Variants in RGS7 observed in about 807,000 individuals in gnomAD.
The protein encoded by RGS7 is regulator of G-protein signaling 7.
A neutral mutation model predicts 81.1 loss-of-function variants in RGS7; 27 were observed. The observed-to-expected ratio is 0.33, with a 90% CI of 0.25 to 0.46. RGS7 has a LOEUF of 0.46. Among genes scored for constraint, RGS7 ranks in the 20% least tolerant of loss-of-function variants. The pLI is 1.00. For missense variants in RGS7, 396 were observed against 607.4 expected (o/e 0.65, Z 3.66); for synonymous variants, 208 against 207.7 (o/e 1.00, Z -0.01).
At chr1:241,146,060 C>G (rs976144316) in intron 2 of RGS7, among the ~76,000 whole-genome samples, 3 of 152,116 alleles carry the variant, frequency 2.0e-5, no homozygotes, top group Non-Finnish European at 4.4e-5. Context: ...GTAACCACAG[C>G]TCAGCTCTGT....
intron 3 of RGS7, among the ~76,000 whole-genome samples, chr1:240,987,275 T>C (rs1685803344): frequency 6.6e-6 from 1 of 152,234 alleles, no homozygotes; most frequent in Non-Finnish European, 1.5e-5. Flanking sequence ...TTTTCATAAT[T>C]TTCAGCTAAA....
intron 2 of RGS7, among the ~76,000 whole-genome samples, chr1:241,152,213 G>C (rs2068806862): frequency 6.6e-6 from 1 of 151,070 alleles, no homozygotes. Context: ...CTAAAGACCA[G>C]TGCCACGTAT....
chr1:241,309,240 G>A lies in RGS7; in HGVS notation c.78+46459C>T, dbSNP rs1423150020. On this transcript the variant is annotated intron_variant, in intron 2 of 18. Transcript: ENST00000440928. ...TGTCTCTACTAAAAATACAAAATTAGCCGGGCGTGGTGGCAGGCGCTTGTA... is the reference window on the plus strand; with the variant it reads ...TGTCTCTACTAAAAATACAAAATTAACCGGGCGTGGTGGCAGGCGCTTGTA... Among the ~76,000 whole-genome samples, 4 of 151,808 alleles carry A rather than the reference G, an allele frequency of 2.6e-5. No individual in the cohort carries two copies. The East Asian group carries it at 7.8e-4, about 29-fold the overall frequency.
intron 6 of RGS7, among the ~76,000 whole-genome samples, chr1:240,903,116 G>T (rs1163115112): frequency 6.6e-6 from 1 of 152,184 alleles, no homozygotes; most frequent in African/African-American, 2.4e-5. Context: ...AGACCATGCT[G>T]CACAGAATTA....
At chr1:241,168,183 G>T (rs1424191813) in intron 2 of RGS7, among the ~76,000 whole-genome samples, 3 of 152,138 alleles carry the variant, frequency 2.0e-5, no homozygotes, top group African/African-American at 7.2e-5. Context: ...TGCAAGGAAT[G>T]ATGAGAAAGA....
chr1:240,932,899 T>TTTTC (rs1675786901), intron 5 of RGS7, among the ~76,000 whole-genome samples: 2 of 135,992 alleles, frequency 1.5e-5, no homozygotes, highest in Admixed American at 7.2e-5. Context: ...TTTTTTTTTT[T>TTTTC]TTGAGACAGA....
chr1:241,269,798 T>C (rs760946983), intron 2 of RGS7, among the ~76,000 whole-genome samples: 5 of 152,228 alleles, frequency 3.3e-5, no homozygotes, highest in Non-Finnish European at 5.9e-5. Flanking sequence ...ACCTAATCTA[T>C]GAATTTTCAA....
At chr1:241,071,376 TA>T (rs879703168) in intron 3 of RGS7, among the ~76,000 whole-genome samples, 1 of 151,978 alleles carries the variant, frequency 6.6e-6, no homozygotes, top group Non-Finnish European at 1.5e-5. Context: ...CCTAAAAAAA[TA>T]AAAAAATGTA....
At chr1:240,826,731 G>T (rs376733192) in intron 10 of RGS7, among the ~76,000 whole-genome samples, 64 of 152,142 alleles carry the variant, frequency 4.2e-4, no homozygotes, top group South Asian at 1.2e-3. Context: ...CTGTCTTATG[G>T]TTGTATCACA....
At chr1:240,951,748 G>A (rs1350163780) in intron 4 of RGS7, among the ~76,000 whole-genome samples, 1 of 152,024 alleles carries the variant, frequency 6.6e-6, no homozygotes, top group Non-Finnish European at 1.5e-5. Context: ...AAATGATAAT[G>A]GCTGAAGACT....
chr1:241,216,557 T>C (rs1388139694), intron 2 of RGS7, among the ~76,000 whole-genome samples: 2 of 152,174 alleles, frequency 1.3e-5, no homozygotes, highest in African/African-American at 4.8e-5. Context: ...AGAAAATATA[T>C]GGTTTTCTTT....
chr1:241,273,875 G>C (rs974664946), intron 2 of RGS7, among the ~76,000 whole-genome samples: 2 of 151,298 alleles, frequency 1.3e-5, no homozygotes, highest in Non-Finnish European at 2.9e-5. Context: ...ATTTAGTGAA[G>C]GTCCCTGGAA....
intron 2 of RGS7, among the ~76,000 whole-genome samples, chr1:241,114,694 G>A (rs189993391): frequency 8.7e-4 from 133 of 152,270 alleles, no homozygotes; most frequent in African/African-American, 3.0e-3. Context: ...TATAAGAATT[G>A]TCAAAATAAG....
rs555195177 is a variant in RGS7 at position 240,934,876 on chromosome 1, C to CTTT, written c.333+1721_333+1723dup. Among the ~76,000 whole-genome samples, 147 of 67,124 alleles carry CTTT rather than the reference C, an allele frequency of 2.2e-3. 30 individuals are homozygous for CTTT. The highest frequency in any genetic ancestry group is 7.4e-3 in the African/African-American group (119 of 16,120). The allele number at this position is 67,124 out of a possible 152,430, so 44.0% of individuals were successfully genotyped here. On this transcript the variant is annotated intron_variant, in intron 5 of 18. Coordinates refer to ENST00000440928, the MANE Select transcript of RGS7 (RefSeq NM_001364886.1). ...TATGGTGATCCCTTCCTTCACATGG[C>CTTT]TTTTTTTTTTTTTTTTTTTTTTTTT...
chr1:241,260,738 T>C (rs576391486), intron 2 of RGS7, among the ~76,000 whole-genome samples: 42 of 152,212 alleles, frequency 2.8e-4, no homozygotes, highest in Admixed American at 1.6e-3. Flanking sequence ...AATGCCCATG[T>C]TTTCCATCCT....
chr1:240,897,965 T>A (rs946841661), intron 6 of RGS7, among the ~76,000 whole-genome samples: 4 of 152,130 alleles, frequency 2.6e-5, no homozygotes, highest in African/African-American at 7.2e-5. Flanking sequence ...TCAAAGCCTG[T>A]TATTGGTCTA....
chr1:241,158,285 T>A (rs1237088254), intron 2 of RGS7, among the ~76,000 whole-genome samples: 6 of 152,220 alleles, frequency 3.9e-5, no homozygotes, highest in African/African-American at 1.4e-4. Flanking sequence ...ACCACAGAGC[T>A]ATGCGATTTA....
chr1:240,997,946 T>C (rs1687545501), intron 3 of RGS7, among the ~76,000 whole-genome samples: 1 of 152,238 alleles, frequency 6.6e-6, no homozygotes, highest in South Asian at 2.1e-4. Flanking sequence ...GTTTCCCTTT[T>C]ATTTAGAAAA....
chr1:240,943,529 G>C (rs1677958198), intron 4 of RGS7, among the ~76,000 whole-genome samples: 1 of 152,164 alleles, frequency 6.6e-6, no homozygotes, highest in African/African-American at 2.4e-5. Context: ...GGGGCGATGG[G>C]AAACATTAGT....
Sources: allele counts gnomAD v4.1 joint callset (sites outside exome capture counted in the v4.1 genomes callset), GRCh38; gene constraint gnomAD v4.1.1; transcripts MANE v1.5; gene names NCBI Gene and HGNC (gene_info 2026-07-23, HGNC 2026-07-21).